Variants in MACROD2 observed in about 807,000 individuals in gnomAD.
MACROD2 encodes ADP-ribose glycohydrolase MACROD2.
MACROD2 carries 36 observed loss-of-function variants against 70.4 expected under a neutral mutation model. The observed-to-expected ratio is 0.51, with a 90% CI of 0.39 to 0.68. The LOEUF (loss-of-function observed/expected upper bound fraction) is 0.68. Ranked by LOEUF, MACROD2 falls within the 30% of genes least tolerant of loss-of-function variation. The pLI is 0.00. For synonymous variants in MACROD2, 172 were observed against 178.8 expected (o/e 0.96, Z 0.30); for missense variants, 496 against 538.4 (o/e 0.92, Z 0.78).
chr20:16,015,440 T>C, intron 15 of MACROD2, among the ~76,000 whole-genome samples: 1 of 152,222 alleles, frequency 6.6e-6, no homozygotes, highest in East Asian at 1.9e-4. Context: ...CAGCTCTGTT[T>C]ATCCACTTTA....
chr20:15,250,414 C>T (rs1293530222), intron 6 of MACROD2, among the ~76,000 whole-genome samples: 6 of 152,146 alleles, frequency 3.9e-5, no homozygotes, highest in African/African-American at 1.4e-4. Flanking sequence ...ACGTTGCATT[C>T]GCTTTGACTT....
At chr20:14,129,959 G>T (rs188521145) in intron 3 of MACROD2, among the ~76,000 whole-genome samples, 259 of 152,162 alleles carry the variant, frequency 1.7e-3, no homozygotes, top group Non-Finnish European at 2.8e-3. Context: ...TGTGTGACTC[G>T]CTTTATTGCA....
At chr20:14,951,089 GAATGA>G (rs1040124301) in intron 5 of MACROD2, among the ~76,000 whole-genome samples, 13 of 152,096 alleles carry the variant, frequency 8.5e-5, no homozygotes, top group Admixed American at 1.3e-4. Context: ...AGTCAGTTGG[GAATGA>G]GTCTTGAGGA....
At position 13,995,923 on chromosome 20, in the gene MACROD2, C is replaced by G; in HGVS notation, c.46+114C>G. On this transcript the variant is annotated intron_variant, in intron 1 of 17. Coordinates refer to ENST00000684519, the MANE Select transcript of MACROD2 (RefSeq NM_001351661.2). This position sits in a 1 kb window ranked among gnomAD's most constrained non-coding sequence, Gnocchi z 4.3. ...CCCGAGCTCCCGCCTCGCGCCCTCC[C>G]GGCCGGTGCCGCCTCCCTCCGGTGT... The G allele has an allele frequency of 1.6e-6, 2 of 1,229,280 alleles. No individual in the cohort carries two copies. The highest frequency in any genetic ancestry group is 2.0e-5 in the Admixed American group (1 of 48,960). 76.1% of individuals were successfully genotyped at this position (1,229,280 alleles called of 1,614,324 possible).
intron 7 of MACROD2, among the ~76,000 whole-genome samples, chr20:15,496,867 A>T (rs748718205): frequency 3.9e-5 from 6 of 152,180 alleles, no homozygotes; most frequent in Admixed American, 2.6e-4. Context: ...CCTAGGAAGA[A>T]TCACTTGAAA....
chr20:14,127,517 G>A (rs897261274), intron 3 of MACROD2: 3 of 499,490 alleles, frequency 6.0e-6, no homozygotes, highest in Non-Finnish European at 1.1e-5. Flanking sequence ...GCAGCAAGTT[G>A]CTCTACTTAA....
chr20:15,966,272 G>A (rs552173891), intron 12 of MACROD2, among the ~76,000 whole-genome samples: 2 of 152,158 alleles, frequency 1.3e-5, no homozygotes, highest in Non-Finnish European at 2.9e-5. Flanking sequence ...AGTAATCAAG[G>A]TGTTGCTGTA....
chr20:15,727,877 A>G (rs6043491), intron 8 of MACROD2, among the ~76,000 whole-genome samples: 10,509 of 152,114 alleles, frequency 0.069, 556 homozygotes, highest in African/African-American at 0.15. Flanking sequence ...GCAAACAGGA[A>G]CAGCTTGATT....
At chr20:14,802,849 C>G (rs1450945322) in intron 5 of MACROD2, among the ~76,000 whole-genome samples, 1 of 150,402 alleles carries the variant, frequency 6.6e-6, no homozygotes, top group African/African-American at 2.5e-5. Context: ...CAGTTTGTAT[C>G]TGCAAAAGAT....
At chr20:15,432,474 G>A (rs527695124) in intron 7 of MACROD2, among the ~76,000 whole-genome samples, 56 of 152,126 alleles carry the variant, frequency 3.7e-4, no homozygotes, top group African/African-American at 1.3e-3. Context: ...TGAGCACTGG[G>A]CTGGAGGGGG....
At chr20:14,279,482 T>A (rs1380394206) in intron 3 of MACROD2, among the ~76,000 whole-genome samples, 1 of 152,170 alleles carries the variant, frequency 6.6e-6, no homozygotes, top group Admixed American at 6.5e-5. Flanking sequence ...ACAACTTTAA[T>A]AAAACATAGC....
At chr20:14,277,845 T>C (rs1203403999) in intron 3 of MACROD2, among the ~76,000 whole-genome samples, 1 of 152,170 alleles carries the variant, frequency 6.6e-6, no homozygotes, top group Non-Finnish European at 1.5e-5. Flanking sequence ...TCTGTAATTC[T>C]TCCATATGGA....
At chr20:15,145,670 A>G (rs1041899212) in intron 5 of MACROD2, among the ~76,000 whole-genome samples, 9 of 152,334 alleles carry the variant, frequency 5.9e-5, no homozygotes, top group African/African-American at 2.2e-4. Context: ...CTCTGGGAGT[A>G]ACCATTACCA....
intron 5 of MACROD2, among the ~76,000 whole-genome samples, chr20:14,726,480 A>T (rs1450207788): frequency 1.3e-5 from 2 of 152,148 alleles, no homozygotes; most frequent in African/African-American, 4.8e-5. Context: ...TTCTTATCTG[A>T]GCAAGTGTCG....
intron 6 of MACROD2, among the ~76,000 whole-genome samples, chr20:15,339,324 G>A (rs947057271): frequency 6.6e-6 from 1 of 151,776 alleles, no homozygotes; most frequent in Non-Finnish European, 1.5e-5. Flanking sequence ...AGAAATAAAA[G>A]TATTGACAGG....
intron 12 of MACROD2, among the ~76,000 whole-genome samples, chr20:15,955,111 G>T (rs1381860893): frequency 2.6e-5 from 4 of 152,054 alleles, no homozygotes; most frequent in Admixed American, 2.0e-4. Context: ...TATGAGATTT[G>T]GGCTGGGATG....
At chr20:15,746,618 A>C (rs1261856914) in intron 8 of MACROD2, among the ~76,000 whole-genome samples, 1 of 151,248 alleles carries the variant, frequency 6.6e-6, no homozygotes, top group Non-Finnish European at 1.5e-5. Flanking sequence ...ATAATTTTCA[A>C]AATTAGGGAT....
At chr20:15,409,851 G>A (rs539165457) in intron 6 of MACROD2, among the ~76,000 whole-genome samples, 1 of 152,254 alleles carries the variant, frequency 6.6e-6, no homozygotes, top group East Asian at 1.9e-4. Context: ...ATGTACATGG[G>A]AACAGTGAGC....
intron 5 of MACROD2, among the ~76,000 whole-genome samples, chr20:14,948,309 A>C (rs945802373): frequency 2.0e-5 from 3 of 152,196 alleles, no homozygotes; most frequent in African/African-American, 7.2e-5. Context: ...ATTTCTTCAC[A>C]CTTAACTGAA....
Sources: allele counts gnomAD v4.1 joint callset (sites outside exome capture counted in the v4.1 genomes callset), GRCh38; gene constraint gnomAD v4.1.1; non-coding constraint Gnocchi (gnomAD v3.1); transcripts MANE v1.5; gene names NCBI Gene and HGNC (gene_info 2026-07-23, HGNC 2026-07-21).